The following LYAR variants were observed in gnomAD, a reference collection of about 807,000 sequenced individuals.
LYAR encodes Ly1 antibody reactive.
In LYAR, 37 loss-of-function variants were observed where a neutral mutation model predicts 45.2. The ratio of observed to expected loss-of-function variants is 0.82; its 90% confidence interval spans 0.63 to 1.08. LYAR has a LOEUF of 1.08. Ranked by LOEUF, LYAR falls within the 50% of genes least tolerant of loss-of-function variation. The probability of loss-of-function intolerance (pLI) is 0.00; values close to 1 mark genes in which losing one functional copy is unlikely to be tolerated. For missense variants in LYAR, 493 were observed against 451.0 expected, an observed-to-expected ratio of 1.09 and a Z score of -0.84; for synonymous variants, 176 against 155.1, an observed-to-expected ratio of 1.14 and a Z score of -1.00.
At chr4:4,274,251 A>C (rs567378089) in intron 7 of LYAR, 116 bp downstream of exon 7, 123 of 1,215,230 alleles carry the variant, frequency 1.0e-4, no homozygotes, top group South Asian at 6.3e-4. Context: ...AAAACAAAAA[A>C]AAAAAAAACC....
At chr4:4,289,679 T>C (rs1443456962) in intron 1 of LYAR, 1 of 152,260 alleles carries the variant, frequency 6.6e-6, no homozygotes, top group Non-Finnish European at 1.5e-5. Context: ...GTATGTGCTC[T>C]GGACCGCTAC....
intron 1 of LYAR, among the ~76,000 whole-genome samples, chr4:4,288,528 C>T (rs1293718288): frequency 6.8e-6 from 1 of 147,762 alleles, no homozygotes; most frequent in Non-Finnish European, 1.5e-5. Context: ...TTCTGTTGCC[C>T]AGGCTGGAGT....
intron 6 of LYAR, among the ~76,000 whole-genome samples, 194 bp from the exon 7 acceptor site, chr4:4,274,963 C>T (rs1169020941): frequency 6.6e-6 from 1 of 152,198 alleles, no homozygotes; most frequent in Non-Finnish European, 1.5e-5. Context: ...AACCACTTCC[C>T]CCAGTCCACA....
At chr4:4,275,438 TC>T (rs1719139381) in intron 6 of LYAR, among the ~76,000 whole-genome samples, 1 of 45,908 alleles carries the variant, frequency 2.2e-5, no homozygotes, top group South Asian at 9.7e-4. Context: ...TTCTCATCAT[TC>T]TTTTTTTTTT....
chr4:4,272,394 T>A lies in LYAR; in HGVS notation c.919+1189A>T, dbSNP rs953923454. On this transcript the variant is annotated intron_variant, in intron 8 of 9. Transcript: ENST00000343470. ...GGACAGTTCCCAGACCCCCAGTGGA[T>A]GCCTGAAATCACAATGGTACTGAAC... Among the ~76,000 whole-genome samples, 3 of 152,194 alleles carry A rather than the reference T, an allele frequency of 2.0e-5. No individual in the cohort carries two copies. In the East Asian group the frequency reaches 5.8e-4, roughly 29 times the overall value.
chr4:4,280,919 A>G (rs1719368634), intron 4 of LYAR, among the ~76,000 whole-genome samples: 1 of 152,090 alleles, frequency 6.6e-6, no homozygotes, highest in Admixed American at 6.6e-5. Context: ...TCATTATCCC[A>G]CCTTCCTTTC....
At chr4:4,272,656 G>A (rs551420548) in intron 8 of LYAR, among the ~76,000 whole-genome samples, 3 of 152,098 alleles carry the variant, frequency 2.0e-5, no homozygotes, top group Admixed American at 1.3e-4. Context: ...AAGAGATCTC[G>A]CCATGCTGCT....
intron 6 of LYAR, 90 bp from the exon 7 acceptor site, chr4:4,274,859 T>C: frequency 5.4e-6 from 7 of 1,293,830 alleles, no homozygotes; most frequent in East Asian, 2.3e-5. Context: ...CTACATAAAC[T>C]GTTCAAGAAA....
intron 1 of LYAR, among the ~76,000 whole-genome samples, chr4:4,287,551 A>G (rs1244347601): frequency 6.6e-6 from 1 of 152,210 alleles, no homozygotes; most frequent in African/African-American, 2.4e-5. Context: ...TATGAACACA[A>G]CTGCCCCCAA....
intron 3 of LYAR, 136 bp downstream of exon 3, chr4:4,283,485 A>T (rs1041032696): frequency 4.0e-5 from 36 of 907,236 alleles, no homozygotes; most frequent in Non-Finnish European, 5.9e-5. Flanking sequence ...ACCAGTTTTA[A>T]TCAATGGAAC....
At chr4:4,269,795 T>C (rs370955120) in intron 8 of LYAR, among the ~76,000 whole-genome samples, 2 of 152,202 alleles carry the variant, frequency 1.3e-5, no homozygotes, top group Admixed American at 6.5e-5. Flanking sequence ...GCATTTAACA[T>C]AGACCTGAAA....
intron 4 of LYAR, among the ~76,000 whole-genome samples, chr4:4,281,403 T>A (rs1719387691): frequency 1.3e-5 from 2 of 151,944 alleles, no homozygotes; most frequent in African/African-American, 4.8e-5. Flanking sequence ...CACTGCAACC[T>A]CTGCCTCCTG....
At position 4,279,500 on chromosome 4, in the gene LYAR, T is replaced by A. The variant is rs1035275070; in HGVS notation, c.376A>T (p.Asn126Tyr). The change falls in exon 6 of 10, where the codon AAT (asparagine) becomes TAT (tyrosine). Residue 126 changes from asparagine to tyrosine, a missense_variant. Transcript: ENST00000343470. ...CACACCTGGTCCAGAATGGATTCAT[T>A]ATGAACTTTTAAACTGTTCTTCATC... ...NWMKNSLKVH[N>Y]ESILDQVWNI... 17 of 1,612,758 alleles carry A rather than the reference T, an allele frequency of 1.1e-5. No homozygotes were observed. Among genetic ancestry groups the A allele is most frequent in the Non-Finnish European group, 1.4e-5 (16 of 1,178,870 alleles).
intron 2 of LYAR, among the ~76,000 whole-genome samples, chr4:4,285,343 T>C (rs968132306): frequency 6.6e-6 from 1 of 152,200 alleles, no homozygotes; most frequent in Admixed American, 6.5e-5. Flanking sequence ...ACTGTAAAGA[T>C]GTGTGATATT....
chr4:4,280,387 G>T (rs1324721553), intron 4 of LYAR, among the ~76,000 whole-genome samples: 1 of 152,154 alleles, frequency 6.6e-6, no homozygotes, highest in African/African-American at 2.4e-5. Flanking sequence ...AATCCAATGT[G>T]TGTGTATATA....
At chr4:4,284,270 C>A (rs989498104) in intron 2 of LYAR, among the ~76,000 whole-genome samples, 1 of 152,108 alleles carries the variant, frequency 6.6e-6, no homozygotes, top group Non-Finnish European at 1.5e-5. Flanking sequence ...GAAGGCATTG[C>A]AATTTAGGTG....
intron 6 of LYAR, 46 bp from the exon 7 acceptor site, chr4:4,274,815 G>A (rs1719115735): frequency 6.5e-7 from 1 of 1,530,524 alleles, no homozygotes; most frequent in Admixed American, 2.2e-5. Flanking sequence ...TTTTAAATGT[G>A]TAAATAGAGT....
intron 8 of LYAR, among the ~76,000 whole-genome samples, chr4:4,272,720 TC>T (rs1298746189): frequency 1.3e-5 from 2 of 152,190 alleles, no homozygotes; most frequent in Non-Finnish European, 2.9e-5. Flanking sequence ...GAATTTTCCA[TC>T]CCACAGATAT....
At chr4:4,287,069 C>T (rs1169554548) in intron 1 of LYAR, among the ~76,000 whole-genome samples, 1 of 152,210 alleles carries the variant, frequency 6.6e-6, no homozygotes, top group Non-Finnish European at 1.5e-5. Context: ...TCAGATGTGA[C>T]AGATTTCAAC....
Sources: gnomAD v4.1 joint callset for allele counts (sites outside exome capture counted in the v4.1 genomes callset) on GRCh38, gnomAD v4.1.1 for gene constraint, MANE v1.5 for transcripts, NCBI Gene and HGNC (gene_info 2026-07-23, HGNC 2026-07-21) for gene names.